The following SPHKAP variants were observed in gnomAD, a reference collection of about 807,000 sequenced individuals.
The protein encoded by SPHKAP is A-kinase anchor protein SPHKAP.
SPHKAP carries 67 observed loss-of-function variants against 137.5 expected under a neutral mutation model. The ratio of observed to expected loss-of-function variants is 0.49; its 90% CI spans 0.40 to 0.60. The LOEUF (loss-of-function observed/expected upper bound fraction) is 0.60. Among genes scored for constraint, SPHKAP ranks in the 20% least tolerant of loss-of-function variants. The pLI is 0.00. For synonymous variants in SPHKAP, 813 were observed against 785.3 expected (o/e 1.04, Z -0.59); for missense variants, 2,097 against 2,069.3 (o/e 1.01, Z -0.26).
intron 7 of SPHKAP, among the ~76,000 whole-genome samples, chr2:228,013,150 A>G (rs964687977): frequency 6.6e-6 from 1 of 152,206 alleles, no homozygotes; most frequent in Admixed American, 6.5e-5. Flanking sequence ...ATCCCATAAC[A>G]TCTCTGAGCT....
chr2:227,989,466 A>T (rs1693331674), intron 11 of SPHKAP, among the ~76,000 whole-genome samples: 1 of 152,102 alleles, frequency 6.6e-6, no homozygotes, highest in Non-Finnish European at 1.5e-5. Flanking sequence ...CTAAAACAGT[A>T]CTCAAGGTTT....
chr2:228,132,209 G>T, intron 1 of SPHKAP, 124 bp from the exon 2 acceptor site: 1 of 793,514 alleles, frequency 1.3e-6, no homozygotes, highest in Non-Finnish European at 2.1e-6. Flanking sequence ...ATTAAACACT[G>T]CAAATCCCCC....
intron 3 of SPHKAP, among the ~76,000 whole-genome samples, chr2:228,093,809 G>T (rs935629261): frequency 1.5e-5 from 2 of 133,366 alleles, no homozygotes; most frequent in African/African-American, 5.6e-5. Context: ...GCAGTGAGCC[G>T]AGATCACTCC....
At chr2:228,033,220 G>T (rs1020237619) in intron 3 of SPHKAP, among the ~76,000 whole-genome samples, 5 of 152,152 alleles carry the variant, frequency 3.3e-5, no homozygotes, top group Non-Finnish European at 7.4e-5. Context: ...AAAGGCAGGG[G>T]TTGCAATCCT....
At chr2:228,161,447 T>C (rs914927999) in intron 1 of SPHKAP, among the ~76,000 whole-genome samples, 5 of 152,104 alleles carry the variant, frequency 3.3e-5, no homozygotes, top group Non-Finnish European at 5.9e-5. Context: ...AGATATTTGC[T>C]CAGAGAACAG....
chr2:227,998,273 C>T (rs1318439038), intron 7 of SPHKAP, among the ~76,000 whole-genome samples: 2 of 152,164 alleles, frequency 1.3e-5, no homozygotes. Context: ...GCTGGGATTA[C>T]AGGCATGAGC....
rs145871393 is a variant in SPHKAP, at chr2:228,079,694, T to A, written c.246+29138A>T. ...AGCTCCAGGTCAGCCCCTGTGGACC[T>A]AGGGTTCAGCAAGTCCCCTTGAATA... On this transcript the variant is annotated intron_variant, in intron 3 of 11. Transcript: ENST00000392056. 4.8e-3 allele frequency among the ~76,000 whole-genome samples: 730 copies of A among 152,278 alleles called. 12 individuals carry two copies. Among genetic ancestry groups the A allele is most frequent in the African/African-American group, 0.017 (696 of 41,554 alleles).
intron 3 of SPHKAP, among the ~76,000 whole-genome samples, chr2:228,088,281 T>A (rs2106323034): frequency 6.6e-6 from 1 of 152,268 alleles, no homozygotes; most frequent in Admixed American, 6.5e-5. Context: ...ATTAATAACA[T>A]TAAAAACACA....
intron 3 of SPHKAP, among the ~76,000 whole-genome samples, chr2:228,032,371 T>C (rs904231824): frequency 6.6e-6 from 1 of 152,116 alleles, no homozygotes; most frequent in African/African-American, 2.4e-5. Flanking sequence ...CCAAGAAATA[T>C]GGCATTATGT....
chr2:227,991,920 T>C (rs1249425681), intron 9 of SPHKAP: 1 of 189,216 alleles, frequency 5.3e-6, no homozygotes, highest in East Asian at 1.9e-4. Context: ...TTCTTCTTAT[T>C]GGGGAAGTGT....
At position 227,990,604 on chromosome 2, in the gene SPHKAP, C is replaced by T. The variant is rs1309932069; in HGVS notation, c.4959+396G>A. Among the ~76,000 whole-genome samples the T allele has an allele frequency of 3.3e-5, 5 of 152,174 alleles. No individual in the cohort carries two copies. In the East Asian group the frequency reaches 9.6e-4, roughly 29 times the overall value. ...TTTGGAAGGGAATTAAAAATGCCTT[C>T]TCTTGGCCTGTTTTAGATGTCAGTG... On this transcript the variant is annotated intron_variant, in intron 11 of 11. Transcript: ENST00000392056.
intron 1 of SPHKAP, among the ~76,000 whole-genome samples, chr2:228,179,184 CAG>C (rs1411908560): frequency 5.9e-5 from 9 of 152,094 alleles, no homozygotes; most frequent in African/African-American, 1.9e-4. Flanking sequence ...TTAAGAGAAA[CAG>C]TGATTTATAA....
At chr2:228,172,363 T>C (rs1432740959) in intron 1 of SPHKAP, among the ~76,000 whole-genome samples, 1 of 152,176 alleles carries the variant, frequency 6.6e-6, no homozygotes, top group Admixed American at 6.5e-5. Flanking sequence ...GTATTTATTG[T>C]TATTATCTGG....
At chr2:228,153,196 G>A (rs769664156) in intron 1 of SPHKAP, among the ~76,000 whole-genome samples, 3 of 151,920 alleles carry the variant, frequency 2.0e-5, no homozygotes, top group Admixed American at 6.6e-5. Context: ...GTGTGAAAAC[G>A]GACTAATGCA....
At chr2:228,133,144 T>C (rs1346512162) in intron 1 of SPHKAP, among the ~76,000 whole-genome samples, 1 of 151,206 alleles carries the variant, frequency 6.6e-6, no homozygotes, top group African/African-American at 2.4e-5. Context: ...CCATCTCTCC[T>C]AAAATACAAA....
intron 2 of SPHKAP, among the ~76,000 whole-genome samples, chr2:228,111,071 A>T (rs1698503372): frequency 6.6e-6 from 1 of 152,194 alleles, no homozygotes. Context: ...AAGAATTTTG[A>T]GTTAAAAAAC....
rs922652462 is a variant in SPHKAP at position 228,025,085 on chromosome 2, T to C, written c.441+309A>G. On this transcript the variant is annotated intron_variant, in intron 5 of 11. Coordinates refer to ENST00000392056, the MANE Select transcript of SPHKAP (RefSeq NM_001142644.2). The stretch of plus-strand genomic sequence containing the variant: ...CCTAAAAGAGAAGATGATTCTGTTT[T>C]TGTTTATCCAGTAGATTTGTAGAAA... Among the ~76,000 whole-genome samples, 7 of 152,216 alleles carry C rather than the reference T, an allele frequency of 4.6e-5. 1 individual carries two copies. Among genetic ancestry groups the C allele is most frequent in the Admixed American group, 4.6e-4 (7 of 15,278 alleles).
At chr2:228,002,385 C>T (rs1404568436) in intron 7 of SPHKAP, among the ~76,000 whole-genome samples, 2 of 152,246 alleles carry the variant, frequency 1.3e-5, no homozygotes, top group South Asian at 2.1e-4. Context: ...GAAGTGTCTG[C>T]TCATCTCCTT....
chr2:228,059,184 A>G (rs1696550521), intron 3 of SPHKAP, among the ~76,000 whole-genome samples: 1 of 152,174 alleles, frequency 6.6e-6, no homozygotes, highest in Non-Finnish European at 1.5e-5. Flanking sequence ...TTGTTTATCC[A>G]TTCACTCATT....
Sources: allele counts gnomAD v4.1 joint callset (sites outside exome capture counted in the v4.1 genomes callset), GRCh38; gene constraint gnomAD v4.1.1; transcripts MANE v1.5; gene names NCBI Gene and HGNC (gene_info 2026-07-23, HGNC 2026-07-21).